IRAK2: variants seen among roughly 807,000 people sequenced by gnomAD.
The protein encoded by IRAK2 is interleukin-1 receptor-associated kinase-like 2.
IRAK2 carries 57 observed loss-of-function variants against 72.0 expected under a neutral mutation model. That is an observed-to-expected ratio of 0.79 (90% CI 0.64 to 0.99). The LOEUF is 0.99. IRAK2 is among the 50% of genes least tolerant of loss of function. IRAK2 has a pLI of 0.00. For missense variants in IRAK2, 790 were observed against 794.4 expected (o/e 0.99, Z 0.07); for synonymous variants, 293 against 312.7 (o/e 0.94, Z 0.67).
intron 1 of IRAK2, among the ~76,000 whole-genome samples, chr3:10,172,870 G>C (rs758458629): frequency 6.8e-6 from 1 of 146,624 alleles, no homozygotes. Flanking sequence ...AAGTAGAGAC[G>C]GGGTTTCATC....
intron 6 of IRAK2, 149 bp from the exon 7 acceptor site, chr3:10,216,785 G>A: frequency 1.6e-6 from 1 of 630,418 alleles, no homozygotes; most frequent in Non-Finnish European, 2.9e-6. Context: ...TTCCACCCTG[G>A]GGCCAGGCCC....
At chr3:10,219,587 G>C in intron 7 of IRAK2, 93 bp from the exon 8 acceptor site, 1 of 845,940 alleles carries the variant, frequency 1.2e-6, no homozygotes, top group Admixed American at 2.1e-5. Context: ...CAGTGTGCTG[G>C]GATTACAGGT....
intron 3 of IRAK2, among the ~76,000 whole-genome samples, chr3:10,204,964 A>G (rs1244873280): frequency 6.6e-6 from 1 of 151,340 alleles, no homozygotes; most frequent in Non-Finnish European, 1.5e-5. Context: ...TTGTTCATCT[A>G]CTCTCCTGCC....
intron 1 of IRAK2, among the ~76,000 whole-genome samples, chr3:10,167,580 A>G (rs951499551): frequency 1.3e-5 from 2 of 151,984 alleles, no homozygotes; most frequent in Non-Finnish European, 2.9e-5. Flanking sequence ...ATGCCCGGCT[A>G]ATTTTTTTGT....
At chr3:10,232,373 A>C (rs2125163830) in intron 10 of IRAK2, among the ~76,000 whole-genome samples, 1 of 152,248 alleles carries the variant, frequency 6.6e-6, no homozygotes, top group East Asian at 1.9e-4. Flanking sequence ...TGCCTTTGTC[A>C]AGAACACTTC....
intron 1 of IRAK2, among the ~76,000 whole-genome samples, chr3:10,170,955 G>A (rs544868442): frequency 6.6e-6 from 1 of 152,354 alleles, no homozygotes; most frequent in Non-Finnish European, 1.5e-5. Flanking sequence ...ATTTTAGAAA[G>A]AAGACAGTCC....
chr3:10,206,879 C>T (rs1371572326), intron 3 of IRAK2, among the ~76,000 whole-genome samples: 1 of 144,712 alleles, frequency 6.9e-6, no homozygotes, highest in Non-Finnish European at 1.5e-5. Context: ...TTTTTTGATA[C>T]AGTCTCGCTC....
At chr3:10,207,078 C>A (rs1322706192) in intron 3 of IRAK2, among the ~76,000 whole-genome samples, 1 of 151,844 alleles carries the variant, frequency 6.6e-6, no homozygotes, top group Non-Finnish European at 1.5e-5. Flanking sequence ...GTCTTAAACT[C>A]TTTTTGTTTG....
intron 4 of IRAK2, among the ~76,000 whole-genome samples, chr3:10,210,560 G>A (rs1697502037): frequency 6.6e-6 from 1 of 152,146 alleles, no homozygotes; most frequent in African/African-American, 2.4e-5. Context: ...GTGCCTGGGG[G>A]AGAAGCCAGC....
intron 2 of IRAK2, among the ~76,000 whole-genome samples, chr3:10,180,052 G>A (rs1013319309): frequency 1.3e-5 from 2 of 152,166 alleles, no homozygotes; most frequent in African/African-American, 4.8e-5. Context: ...TGAGAGAACA[G>A]GATCATGTGT....
At chr3:10,165,897 A>G (rs889219228) in intron 1 of IRAK2, among the ~76,000 whole-genome samples, 1 of 151,906 alleles carries the variant, frequency 6.6e-6, no homozygotes, top group Non-Finnish European at 1.5e-5. Context: ...CGCCCGGCTA[A>G]CTTTGTATTC....
At chr3:10,206,976 C>G (rs1160512248) in intron 3 of IRAK2, among the ~76,000 whole-genome samples, 1 of 152,130 alleles carries the variant, frequency 6.6e-6, no homozygotes, top group Non-Finnish European at 1.5e-5. Flanking sequence ...GCCTTAGCCT[C>G]CCAAGTAGCT....
intron 2 of IRAK2, among the ~76,000 whole-genome samples, chr3:10,192,912 A>G (rs1697200118): frequency 2.0e-5 from 3 of 152,062 alleles, no homozygotes; most frequent in African/African-American, 7.2e-5. Flanking sequence ...GAGCGAGACT[A>G]TAGCAAATGA....
chr3:10,211,105 C>T lies in IRAK2; in HGVS notation c.528+1413C>T, dbSNP rs62240067. Among the ~76,000 whole-genome samples the T allele has an allele frequency of 9.8e-3, 1,492 of 152,062 alleles. 6 individuals are homozygous for T. The highest frequency in any genetic ancestry group is 0.045 in the Middle Eastern group (13 of 292). ...CTTGAACTCCTGGCCTCATGTGATCCGCCCACCTCAGCATCCCAAAGTGCT... is the reference window on the plus strand; with the variant it reads ...CTTGAACTCCTGGCCTCATGTGATCTGCCCACCTCAGCATCCCAAAGTGCT... On this transcript the variant is annotated intron_variant, in intron 4 of 12. Transcript: ENST00000256458.
chr3:10,167,543 C>G (rs933082507), intron 1 of IRAK2, among the ~76,000 whole-genome samples: 1 of 151,990 alleles, frequency 6.6e-6, no homozygotes, highest in African/African-American at 2.4e-5. Flanking sequence ...GCCTCCCTAG[C>G]AGCTTGGACT....
At chr3:10,207,138 T>G (rs1003549810) in intron 3 of IRAK2, among the ~76,000 whole-genome samples, 1 of 152,002 alleles carries the variant, frequency 6.6e-6, no homozygotes, top group Non-Finnish European at 1.5e-5. Flanking sequence ...TCACCCAGGC[T>G]GGAGTGCAGT....
chr3:10,167,989 G>T (rs939428574), intron 1 of IRAK2, among the ~76,000 whole-genome samples: 2 of 152,020 alleles, frequency 1.3e-5, no homozygotes, highest in Non-Finnish European at 2.9e-5. Flanking sequence ...GTAGAGACAG[G>T]TTTCACCATG....
Position 10,175,719 on chromosome 3 carries a change from C to G in IRAK2, c.95-2119C>G, listed in dbSNP as rs149572372. On this transcript the variant is annotated intron_variant, in intron 1 of 12. Transcript: ENST00000256458. ...CCTGGCTAATGTGGTGAAACCTGGT[C>G]TCTACTAAAAATACAAAAAAATTAG... Among the ~76,000 whole-genome samples, 11 of 151,730 alleles carry G rather than the reference C, an allele frequency of 7.2e-5. No individual in the cohort carries two copies. The East Asian group carries it at 1.9e-3, about 27-fold the overall frequency.
At chr3:10,216,765 G>A (rs142710254) in intron 6 of IRAK2, among the ~76,000 whole-genome samples, 169 bp from the exon 7 acceptor site, 2 of 152,268 alleles carry the variant, frequency 1.3e-5, no homozygotes, top group East Asian at 3.9e-4. Context: ...AAGGCAGACA[G>A]TTTTCATCTT....
Sources: gnomAD v4.1 joint callset for allele counts (sites outside exome capture counted in the v4.1 genomes callset) on GRCh38, gnomAD v4.1.1 for gene constraint, MANE v1.5 for transcripts, NCBI Gene and HGNC (gene_info 2026-07-23, HGNC 2026-07-21) for gene names.